TMEM114: variants seen among roughly 807,000 people sequenced by gnomAD.
The protein encoded by TMEM114 is claudin-26.
In TMEM114, 6 loss-of-function variants were observed where a neutral mutation model predicts 6.2. The observed-to-expected ratio is 0.97, with a 90% CI of 0.53 to 1.91. The LOEUF is 1.91. Among genes scored for constraint, TMEM114 ranks in the 40% most tolerant of loss-of-function variants. The pLI, the probability that TMEM114 is intolerant of heterozygous loss-of-function variation, is 0.01. For synonymous variants in TMEM114, 104 were observed against 73.0 expected, an observed-to-expected ratio of 1.42 and a Z score of -2.16; for missense variants, 218 against 158.3, an observed-to-expected ratio of 1.38 and a Z score of -2.02.
chr16:8,540,543 A>AGG (rs1386186775), intron 2 of TMEM114, among the ~76,000 whole-genome samples: 1 of 152,238 alleles, frequency 6.6e-6, no homozygotes, highest in East Asian at 1.9e-4. Flanking sequence ...ATTTTATCCA[A>AGG]GGTTGGATAG....
chr16:8,584,940 A>AAG (rs1555466149), intron 2 of TMEM114, among the ~76,000 whole-genome samples: 3 of 146,836 alleles, frequency 2.0e-5, no homozygotes, highest in Non-Finnish European at 3.0e-5. Flanking sequence ...AAAAAAAAAA[A>AAG]AAGAAGAAGA....
In TMEM114 at chr16:8,563,408, A is replaced by C. The variant is rs369770142; in HGVS notation, n.213-25582T>G. On this transcript the variant is annotated intron_variant and non_coding_transcript_variant, in intron 2 of 2. Coordinates refer to the TMEM114 transcript ENST00000623677. ...GAGTGAGTGAATGAGTAAACGAGTG[A>C]GTTAATTAGTGAGTGAATGAGTGAG... 2.5e-3 allele frequency among the ~76,000 whole-genome samples: 375 copies of C among 147,362 alleles called. 7 individuals carry two copies. The highest frequency in any genetic ancestry group is 8.9e-3 in the African/African-American group (346 of 38,830).
At chr16:8,562,526 T>TGAGTGAGTGAGTAAATGAGTGAGTGAGTG (rs1465142445) in intron 2 of TMEM114, among the ~76,000 whole-genome samples, 2 of 127,142 alleles carry the variant, frequency 1.6e-5, no homozygotes, top group Non-Finnish European at 3.4e-5. Flanking sequence ...ATGAGTGAGT[T>TGAGTGAGTGAGTAAATGAGTGAGTGAGTG]AATGAGTGAG....
chr16:8,529,826 A>G, the TMEM114 span, among the ~76,000 whole-genome samples: 54 of 152,038 alleles, frequency 3.6e-4, no homozygotes, highest in Admixed American at 1.3e-4. Flanking sequence ...GAGTTTTCAC[A>G]TCTCCCCTAG....
At chr16:8,550,832 T>A (rs1596471354) in intron 2 of TMEM114, among the ~76,000 whole-genome samples, 1 of 152,128 alleles carries the variant, frequency 6.6e-6, no homozygotes, top group African/African-American at 2.4e-5. Flanking sequence ...ATTCATCCCC[T>A]TCTTCACCCT....
At chr16:8,530,765 C>T in the TMEM114 span, among the ~76,000 whole-genome samples, 3 of 152,044 alleles carry the variant, frequency 2.0e-5, no homozygotes, top group East Asian at 1.9e-4. Flanking sequence ...GGCTCATGCT[C>T]ATAACCCCAG....
chr16:8,566,417 A>G (rs1419531403), downstream of TMEM114, among the ~76,000 whole-genome samples: 1 of 152,138 alleles, frequency 6.6e-6, no homozygotes, highest in Non-Finnish European at 1.5e-5. Flanking sequence ...AGGTCAGAAT[A>G]GAATGATGGA....
chr16:8,530,744 C>A, the TMEM114 span, among the ~76,000 whole-genome samples: 1 of 151,796 alleles, frequency 6.6e-6, no homozygotes, highest in African/African-American at 2.4e-5. Context: ...GAAGGAGGGG[C>A]CGGGCATTGT....
intron 3 of TMEM114, among the ~76,000 whole-genome samples, chr16:8,571,394 A>C (rs1014861007): frequency 2.7e-4 from 41 of 152,304 alleles, no homozygotes; most frequent in African/African-American, 9.6e-4. Context: ...CGGTCAAACT[A>C]TTCAACACAG....
At chr16:8,547,416 G>A (rs1471259188) in intron 2 of TMEM114, among the ~76,000 whole-genome samples, 33 of 144,750 alleles carry the variant, frequency 2.3e-4, no homozygotes, top group African/African-American at 5.5e-4. Context: ...TTTTTGAGAC[G>A]GAGTCTCGCT....
In TMEM114 at chr16:8,561,349, C is replaced by T. The variant is rs906462269; in HGVS notation, n.213-23523G>A. ...GACATTATTTTCATCGTACAACACA[C>T]TCTTCCCTGCCACCTTCTCCCCATC... is the stretch of plus-strand genomic sequence containing the variant. On this transcript the variant is annotated intron_variant and non_coding_transcript_variant, in intron 2 of 2. Transcript: ENST00000623677. Among the ~76,000 whole-genome samples, 3 of 152,250 alleles carry T rather than the reference C, an allele frequency of 2.0e-5. No homozygotes were observed. The East Asian group carries it at 5.8e-4, about 29-fold the overall frequency.
downstream of TMEM114, among the ~76,000 whole-genome samples, chr16:8,568,380 C>G (rs999326172): frequency 6.6e-6 from 1 of 151,380 alleles, no homozygotes; most frequent in Non-Finnish European, 1.5e-5. Context: ...ATGTGGATGT[C>G]AGCTATAATG....
chr16:8,562,202 C>CAGTGAGTG (rs1567202064), intron 2 of TMEM114, among the ~76,000 whole-genome samples: 5 of 100,430 alleles, frequency 5.0e-5, no homozygotes, highest in Admixed American at 3.8e-4. Context: ...GTGAATGAGT[C>CAGTGAGTG]AGTGAATGAG....
At chr16:8,533,280 C>G (rs1451661568), downstream of TMEM114, among the ~76,000 whole-genome samples, 1 of 152,198 alleles carries the variant, frequency 6.6e-6, no homozygotes, top group Admixed American at 6.5e-5. Flanking sequence ...GATAGAACAT[C>G]TGAGTTGAGA....
At chr16:8,544,144 G>C (rs1247880799) in intron 2 of TMEM114, among the ~76,000 whole-genome samples, 1 of 152,120 alleles carries the variant, frequency 6.6e-6, no homozygotes, top group Non-Finnish European at 1.5e-5. Flanking sequence ...CCCATTTACT[G>C]ACTTATCAGT....
At chr16:8,587,913 G>T (rs1334001223) in intron 2 of TMEM114, among the ~76,000 whole-genome samples, 2 of 151,840 alleles carry the variant, frequency 1.3e-5, no homozygotes, top group African/African-American at 2.4e-5. Context: ...ACTTTGGGAG[G>T]CCAAGGCAGG....
intron 2 of TMEM114, among the ~76,000 whole-genome samples, chr16:8,580,897 G>T (rs918196412): frequency 7.2e-5 from 11 of 152,080 alleles, no homozygotes; most frequent in African/African-American, 2.7e-4. Context: ...TCACCATGTT[G>T]CCCAGACTGG....
chr16:8,569,836 C>G lies in TMEM114; in HGVS notation c.609G>C (p.Gly203=). 6.4e-7 allele frequency: 1 copy of G among 1,551,026 alleles called. No individual in the cohort carries two copies. Among genetic ancestry groups the G allele is most frequent in the East Asian group, 2.4e-5 (1 of 40,908 alleles). ...CGCGGGCTGCTGCCAGGAAGGCTGC[C>G]CCGGTGAGCAGCTCGGCGATGAAGC... is the stretch of plus-strand genomic sequence containing the variant. ...WISFIAELLT[G]AAFLAAAREL... The change falls in exon 4 of 4, where the codon GGG becomes GGC. Residue 203 remains glycine, a synonymous_variant. Transcript: ENST00000620492.
the TMEM114 span, among the ~76,000 whole-genome samples, chr16:8,529,348 G>A: frequency 6.6e-6 from 1 of 152,204 alleles, no homozygotes; most frequent in African/African-American, 2.4e-5. Context: ...CCTAGAGTCA[G>A]ACCTCTCTCA....
Sources: allele counts gnomAD v4.1 joint callset (sites outside exome capture counted in the v4.1 genomes callset), GRCh38; gene constraint gnomAD v4.1.1; transcripts MANE v1.5; gene names NCBI Gene and HGNC (gene_info 2026-07-23, HGNC 2026-07-21).